SEPTIN5: variants seen among roughly 807,000 people sequenced by gnomAD.
SEPTIN5 encodes septin 5.
In SEPTIN5, 16 loss-of-function variants were observed where a neutral mutation model predicts 51.2. The observed-to-expected ratio is 0.31, with a 90% CI of 0.21 to 0.47. The LOEUF is 0.47. Ranked by LOEUF, SEPTIN5 falls within the 20% of genes least tolerant of loss-of-function variation. The probability of loss-of-function intolerance (pLI) is 0.99; values close to 1 mark genes in which losing one functional copy is unlikely to be tolerated. For missense variants in SEPTIN5, 376 were observed against 500.3 expected, an observed-to-expected ratio of 0.75 and a Z score of 2.37; for synonymous variants, 208 against 191.2, an observed-to-expected ratio of 1.09 and a Z score of -0.72.
chr22:19,718,353 GC>G, intron 2 of SEPTIN5: 1 of 987,232 alleles, frequency 1.0e-6, no homozygotes. Context: ...GGGTGGCTCC[GC>G]CCGCGGCCCA....
chr22:19,721,080 G>A (rs1312598453), intron 8 of SEPTIN5, among the ~76,000 whole-genome samples: 1 of 152,208 alleles, frequency 6.6e-6, no homozygotes, highest in Admixed American at 6.5e-5. Flanking sequence ...GCTGGGGTGG[G>A]TCATGTGGGC....
chr22:19,720,425 C>T lies in SEPTIN5; in HGVS notation c.468C>T (p.Cys156=), dbSNP rs1307791375. ...TCCAAGACAACCGAGTGCACTGCTG[C>T]CTATACTTCATCTCCCCCTTCGGGC... ...KNIQDNRVHC[C]LYFISPFGHG... Residue 156 remains cysteine, a synonymous_variant, in exon 6 of 12, where the codon TGC becomes TGT. Coordinates refer to ENST00000455784, the MANE Select transcript of SEPTIN5 (RefSeq NM_002688.6). The T allele has an allele frequency of 6.2e-7, 1 of 1,613,996 alleles. No homozygotes were observed. The highest frequency in any genetic ancestry group is 1.7e-5 in the Admixed American group (1 of 60,028).
In SEPTIN5 at chr22:19,718,795, A is replaced by T. The variant is rs544215301; in HGVS notation, c.55-807A>T. On this transcript the variant is annotated intron_variant, in intron 2 of 11. Transcript: ENST00000455784. ...GGTGGAGCAGCTGCTGTCGCCGCGG[A>T]CCCAGGCCCAGAGGCGGCTCAAGGT... 42 of 1,237,058 alleles carry T rather than the reference A, an allele frequency of 3.4e-5. No individual in the cohort carries two copies. The African/African-American group carries it at 6.3e-4, about 19-fold the overall frequency. The allele number at this position is 1,237,058 out of a possible 1,614,324, so 76.6% of individuals were successfully genotyped here. A position where few individuals can be genotyped will look rare whatever the true frequency, so the allele number is the denominator to read the frequency against.
Position 19,723,012 on chromosome 22 carries a change from T to C in SEPTIN5, c.*528T>C. Reference sequence around the variant, plus strand: ...GAATCAAATGGGAGCCCTCCAGACATAAGGAGGCCAGAGGCTGCAAGGAGC... The same window carrying C: ...GAATCAAATGGGAGCCCTCCAGACACAAGGAGGCCAGAGGCTGCAAGGAGC... On this transcript the variant is annotated 3_prime_UTR_variant, in exon 12 of 12. Coordinates refer to ENST00000455784, the MANE Select transcript of SEPTIN5 (RefSeq NM_002688.6). 2.2e-6 allele frequency: 1 copy of C among 454,172 alleles called. No homozygotes were observed. The allele number at this position is 454,172 out of a possible 1,614,324, so 28.1% of individuals were successfully genotyped here. A position where few individuals can be genotyped will look rare whatever the true frequency, so the allele number is the denominator to read the frequency against.
chr22:19,716,726 C>T (rs1055917308), intron 2 of SEPTIN5, among the ~76,000 whole-genome samples: 3 of 152,216 alleles, frequency 2.0e-5, no homozygotes, highest in Non-Finnish European at 2.9e-5. Flanking sequence ...GAGGCTGTGC[C>T]TTACCAATGG....
chr22:19,719,519 C>T (rs1326562645), intron 2 of SEPTIN5, 83 bp from the exon 3 acceptor site: 7 of 1,146,440 alleles, frequency 6.1e-6, no homozygotes, highest in East Asian at 2.5e-5. Flanking sequence ...CTGCTGTCTC[C>T]TCATACCGCA....
At chr22:19,716,433 C>T (rs1935912365) in intron 2 of SEPTIN5, among the ~76,000 whole-genome samples, 1 of 152,252 alleles carries the variant, frequency 6.6e-6, no homozygotes, top group African/African-American at 2.4e-5. Context: ...TCTCTTGGCC[C>T]TGGCTGCTGC....
Position 19,723,038 on chromosome 22 carries a change from G to C in SEPTIN5, c.*554G>C. On this transcript the variant is annotated 3_prime_UTR_variant, in exon 12 of 12. Coordinates refer to ENST00000455784, the MANE Select transcript of SEPTIN5 (RefSeq NM_002688.6). ...AAGGAGGCCAGAGGCTGCAAGGAGC[G>C]GGGTCGTGACCGCTTACACCCCTTC... 2.1e-6 allele frequency: 1 copy of C among 476,930 alleles called. No homozygotes were observed. The highest frequency in any genetic ancestry group is 4.0e-6 in the Non-Finnish European group (1 of 249,466). The allele number at this position is 476,930 out of a possible 1,614,324, so 29.5% of individuals were successfully genotyped here.
intron 4 of SEPTIN5, 86 bp from the exon 5 acceptor site, chr22:19,720,029 C>T: frequency 6.2e-7 from 1 of 1,606,706 alleles, no homozygotes; most frequent in East Asian, 2.2e-5. Flanking sequence ...GCCAAGGCAC[C>T]AAGATGGATG....
chr22:19,721,019 G>A (rs1936020407), intron 8 of SEPTIN5, 150 bp downstream of exon 8: 1 of 706,556 alleles, frequency 1.4e-6, no homozygotes, highest in Admixed American at 2.1e-5. Flanking sequence ...TAGAGGACCT[G>A]TACCCCCTTC....
At chr22:19,718,204 C>G (rs1935945850) in intron 2 of SEPTIN5, 1 of 166,120 alleles carries the variant, frequency 6.0e-6, no homozygotes, top group South Asian at 2.0e-4. Context: ...CCGCCCCGGC[C>G]CGCGTGCAGG....
intron 2 of SEPTIN5, chr22:19,718,165 G>T (rs1944229506): frequency 6.5e-6 from 1 of 154,102 alleles, no homozygotes; most frequent in African/African-American, 2.4e-5. Context: ...TCTTGGGGGC[G>T]GGACGCGCGG....
intron 4 of SEPTIN5, 99 bp from the exon 5 acceptor site, chr22:19,720,016 A>G (rs1169204507): frequency 6.2e-7 from 1 of 1,603,372 alleles, no homozygotes; most frequent in Non-Finnish European, 8.5e-7. Flanking sequence ...CCCTGGGGGT[A>G]GGGCCAAGGC....
chr22:19,717,543 A>AG (rs1935931141), intron 2 of SEPTIN5: 1 of 344,828 alleles, frequency 2.9e-6, no homozygotes, highest in Non-Finnish European at 5.8e-6. Context: ...GGGCCACCTG[A>AG]GGGCTGCAGG....
At chr22:19,719,464 C>G in intron 2 of SEPTIN5, 138 bp from the exon 3 acceptor site, 1 of 678,424 alleles carries the variant, frequency 1.5e-6, no homozygotes, top group Non-Finnish European at 2.5e-6. Context: ...CGGGCCCTCC[C>G]CTTATTTTTG....
At chr22:19,722,195 C>T (rs770035533) in intron 10 of SEPTIN5, 42 bp from the exon 11 acceptor site, 2 of 1,402,844 alleles carry the variant, frequency 1.4e-6, no homozygotes, top group Non-Finnish European at 1.9e-6. Flanking sequence ...CTGAGCCTCC[C>T]GGTGGCGCCG....
intron 4 of SEPTIN5, 53 bp from the exon 5 acceptor site, chr22:19,720,062 A>G: frequency 1.2e-6 from 2 of 1,611,162 alleles, no homozygotes; most frequent in African/African-American, 1.3e-5. Context: ...CTGGCTGCCA[A>G]GGGTGAGGGG....
At chr22:19,722,111 G>C in intron 10 of SEPTIN5, 126 bp from the exon 11 acceptor site, 1 of 1,216,808 alleles carries the variant, frequency 8.2e-7, no homozygotes, top group Non-Finnish European at 1.1e-6. Flanking sequence ...CTAGAACCAA[G>C]TCCAGGGCTG....
At chr22:19,717,181 G>A (rs375095882) in intron 2 of SEPTIN5, 15 of 387,046 alleles carry the variant, frequency 3.9e-5, no homozygotes, top group African/African-American at 2.2e-4. Flanking sequence ...GGCTGGTGGC[G>A]GGTGGGGTGG....
Sources: allele counts gnomAD v4.1 joint callset (sites outside exome capture counted in the v4.1 genomes callset), GRCh38; gene constraint gnomAD v4.1.1; transcripts MANE v1.5; gene names NCBI Gene and HGNC (gene_info 2026-07-23, HGNC 2026-07-21).